The following STXBP5L variants were observed in gnomAD, a reference collection of about 807,000 sequenced individuals.
STXBP5L encodes the protein syntaxin binding protein 5L.
STXBP5L carries 65 observed loss-of-function variants against 144.5 expected under a neutral mutation model. The observed-to-expected ratio is 0.45, with a 90% CI of 0.37 to 0.55. STXBP5L has a LOEUF of 0.55. STXBP5L is among the 20% of genes least tolerant of loss of function. STXBP5L has a pLI of 0.00. For missense variants in STXBP5L, 1,298 were observed against 1,405.5 expected (o/e 0.92, Z 1.22); for synonymous variants, 505 against 469.6 (o/e 1.08, Z -0.97).
chr3:121,340,312 A>C (rs772577568), intron 20 of STXBP5L, among the ~76,000 whole-genome samples: 1 of 152,178 alleles, frequency 6.6e-6, no homozygotes, highest in South Asian at 2.1e-4. Context: ...ATTTTTTTCA[A>C]GGTAGTAATG....
At position 121,223,040 on chromosome 3, in the gene STXBP5L, G is replaced by A; in HGVS notation, c.994G>A (p.Asp332Asn). The A allele has an allele frequency of 1.2e-6, 2 of 1,612,246 alleles. No individual in the cohort carries two copies. Among genetic ancestry groups the A allele is most frequent in the Non-Finnish European group, 8.5e-7 (1 of 1,179,334 alleles). Residue 332 changes from aspartate to asparagine, a missense_variant, in exon 11 of 27, where the codon GAC (aspartate) becomes AAC (asparagine). Coordinates refer to ENST00000471454, the MANE Select transcript of STXBP5L (RefSeq NM_001308330.2). ...AATATTCTCTGGTGGGCTGTCCTAT[G>A]ACAAAGCTTGTAGAAGACCAAGTTT... ...FIIFSGGLSY[D>N]KACRRPSLTI...
At chr3:121,000,102 T>C (rs1943652603) in intron 3 of STXBP5L, among the ~76,000 whole-genome samples, 1 of 152,130 alleles carries the variant, frequency 6.6e-6, no homozygotes, top group Non-Finnish European at 1.5e-5. Context: ...GTGGTCATCT[T>C]GCATAGTATC....
At chr3:121,030,663 GTACT>G (rs1373555392) in intron 3 of STXBP5L, among the ~76,000 whole-genome samples, 1 of 151,992 alleles carries the variant, frequency 6.6e-6, no homozygotes, top group African/African-American at 2.4e-5. Flanking sequence ...CTGTATCCCA[GTACT>G]TAAAGTATAA....
rs190972386 is a variant in STXBP5L, at chr3:121,280,038, G to A, written c.2110+82G>A. On this transcript the variant is annotated intron_variant, in intron 19 of 26. Coordinates refer to ENST00000471454, the MANE Select transcript of STXBP5L (RefSeq NM_001308330.2). ...TTTAGATTTCTTGTCTTTCTTCTCT[G>A]ATACTATTCAAATGCATGGCAAAAT... is the stretch of plus-strand genomic sequence containing the variant. The A allele has an allele frequency of 1.6e-4, 234 of 1,475,234 alleles. 1 individual carries two copies. In the African/African-American group the frequency reaches 3.1e-3, roughly 19 times the overall value. The allele number at this position is 1,475,234 out of a possible 1,614,324, so 91.4% of individuals were successfully genotyped here.
intron 2 of STXBP5L, among the ~76,000 whole-genome samples, chr3:120,930,620 A>G (rs1709879738): frequency 6.6e-6 from 1 of 152,090 alleles, no homozygotes; most frequent in Admixed American, 6.6e-5. Context: ...GTGTTTTGAT[A>G]TATCACATTT....
At chr3:121,210,266 T>C (rs181471832) in intron 10 of STXBP5L, among the ~76,000 whole-genome samples, 3 of 152,302 alleles carry the variant, frequency 2.0e-5, no homozygotes, top group Admixed American at 1.3e-4. Context: ...CCTTTGCCCA[T>C]TTTTTGATGG....
At chr3:121,247,702 T>C (rs1378330506) in intron 14 of STXBP5L, among the ~76,000 whole-genome samples, 3 of 152,232 alleles carry the variant, frequency 2.0e-5, no homozygotes, top group African/African-American at 7.2e-5. Flanking sequence ...TGTACTATAT[T>C]TTCTTTATCC....
At chr3:121,118,044 A>G (rs1308188303) in intron 6 of STXBP5L, among the ~76,000 whole-genome samples, 1 of 151,760 alleles carries the variant, frequency 6.6e-6, no homozygotes, top group Non-Finnish European at 1.5e-5. Flanking sequence ...CATGAAATTT[A>G]TAATCAAATC....
chr3:121,244,621 G>A (rs974966748), intron 14 of STXBP5L, among the ~76,000 whole-genome samples: 2 of 152,016 alleles, frequency 1.3e-5, no homozygotes, highest in African/African-American at 2.4e-5. Context: ...AGCTCATAAA[G>A]AGACACATTA....
intron 20 of STXBP5L, among the ~76,000 whole-genome samples, chr3:121,369,795 G>A (rs2045975988): frequency 6.6e-6 from 1 of 152,106 alleles, no homozygotes; most frequent in Non-Finnish European, 1.5e-5. Context: ...TGATGTTGGG[G>A]AATCTGATGG....
intron 3 of STXBP5L, among the ~76,000 whole-genome samples, chr3:120,973,388 T>C (rs1940510532): frequency 6.6e-6 from 1 of 152,200 alleles, no homozygotes. Context: ...TGGTGATTTT[T>C]TTTTGCATTT....
At chr3:121,127,004 T>G (rs931134063) in intron 7 of STXBP5L, among the ~76,000 whole-genome samples, 2 of 152,218 alleles carry the variant, frequency 1.3e-5, no homozygotes, top group South Asian at 2.1e-4. Flanking sequence ...ATGTTGTTGT[T>G]GTTGTTATGT....
chr3:121,184,041 CA>C (rs2047269215), intron 9 of STXBP5L, among the ~76,000 whole-genome samples: 2 of 151,940 alleles, frequency 1.3e-5, no homozygotes, highest in African/African-American at 4.8e-5. Context: ...GATGTACACC[CA>C]AAAACCCCAT....
At chr3:121,414,870 A>G (rs2047196778) in intron 24 of STXBP5L, among the ~76,000 whole-genome samples, 1 of 152,226 alleles carries the variant, frequency 6.6e-6, no homozygotes, top group Non-Finnish European at 1.5e-5. Flanking sequence ...TTCAGGAAGC[A>G]TAAGGATGGA....
At chr3:121,051,363 G>C (rs1353645975) in intron 5 of STXBP5L, among the ~76,000 whole-genome samples, 3 of 152,052 alleles carry the variant, frequency 2.0e-5, no homozygotes, top group African/African-American at 7.2e-5. Context: ...AAATGTAAAA[G>C]AACAGAAATT....
intron 22 of STXBP5L, among the ~76,000 whole-genome samples, 187 bp downstream of exon 22, chr3:121,381,719 TA>T (rs1476096771): frequency 6.6e-6 from 1 of 152,104 alleles, no homozygotes; most frequent in Non-Finnish European, 1.5e-5. Flanking sequence ...TCCTTTGGGG[TA>T]AAAGAGTACA....
At chr3:121,272,857 ACAACT>A (rs1475152702) in intron 18 of STXBP5L, among the ~76,000 whole-genome samples, 3 of 152,090 alleles carry the variant, frequency 2.0e-5, no homozygotes, top group African/African-American at 4.8e-5. Context: ...AGAAATGATA[ACAACT>A]CAACTTCAAT....
chr3:121,011,813 A>T (rs1439202850), intron 3 of STXBP5L, among the ~76,000 whole-genome samples: 1 of 151,734 alleles, frequency 6.6e-6, no homozygotes, highest in Non-Finnish European at 1.5e-5. Flanking sequence ...ATTGACACAT[A>T]ACTTGGCTAC....
chr3:121,095,387 A>G (rs1375818887), intron 5 of STXBP5L, among the ~76,000 whole-genome samples: 3 of 152,094 alleles, frequency 2.0e-5, no homozygotes, highest in South Asian at 2.1e-4. Context: ...GTGTTTTCCA[A>G]CGTGGTTCCA....
Sources: gnomAD v4.1 joint callset for allele counts (sites outside exome capture counted in the v4.1 genomes callset) on GRCh38, gnomAD v4.1.1 for gene constraint, MANE v1.5 for transcripts, NCBI Gene and HGNC (gene_info 2026-07-23, HGNC 2026-07-21) for gene names.